Variants in NEO1 observed in about 807,000 individuals in gnomAD.
NEO1 encodes the protein neogenin.
Under a neutral mutation model 159.7 loss-of-function variants are expected in NEO1, and 63 were observed. The observed-to-expected ratio is 0.39, with a 90% CI of 0.32 to 0.49. The LOEUF (loss-of-function observed/expected upper bound fraction) is 0.49. NEO1 is among the 20% of genes least tolerant of loss of function. The pLI, the probability that NEO1 is intolerant of heterozygous loss-of-function variation, is 0.85. For synonymous variants in NEO1, 633 were observed against 662.0 expected, an observed-to-expected ratio of 0.96 and a Z score of 0.67; for missense variants, 1,615 against 1,831.0, an observed-to-expected ratio of 0.88 and a Z score of 2.15.
chr15:73,301,566 A>G, intron 28 of NEO1, 109 bp downstream of exon 28: 3 of 1,421,280 alleles, frequency 2.1e-6, no homozygotes, highest in South Asian at 1.3e-5. Flanking sequence ...GCCACCCAGA[A>G]CTATGAAGCA....
Position 73,298,447 on chromosome 15 carries a change from C to A in NEO1, c.4001C>A (p.Ser1334Tyr). 1 of 1,614,236 alleles carries A rather than the reference C, an allele frequency of 6.2e-7. No individual in the cohort carries two copies. Among genetic ancestry groups the A allele is most frequent in the Non-Finnish European group, 8.5e-7 (1 of 1,180,034 alleles). The change falls in exon 27 of 29, where the codon TCT (serine) becomes TAT (tyrosine). Residue 1334 changes from serine to tyrosine, a missense_variant. Coordinates refer to ENST00000261908, the MANE Select transcript of NEO1 (RefSeq NM_002499.4). ...GACCCTGAAGGTGCTACCAGCTCCT[C>A]TTACTTGGCCAGCTCCCAAGAGGAA... ...HQDPEGATSS[S>Y]YLASSQEEDS...
intron 1 of NEO1, among the ~76,000 whole-genome samples, chr15:73,073,356 G>A (rs2068625458): frequency 6.6e-6 from 1 of 152,142 alleles, no homozygotes; most frequent in Non-Finnish European, 1.5e-5. Context: ...AGTGGGAAGG[G>A]AGGAAATGAA....
In NEO1 at chr15:73,206,535, A is replaced by G. The variant is rs74404504; in HGVS notation, c.1291+28108A>G. On this transcript the variant is annotated intron_variant, in intron 7 of 28. Transcript: ENST00000261908. ...AAAAGCTAGGGTAGCGTGTGGCTCA[A>G]TAGGAGCAGAAGCAGCAGTATTTCT... Among the ~76,000 whole-genome samples, 276 of 152,290 alleles carry G rather than the reference A, an allele frequency of 1.8e-3. 1 individual carries two copies. Among genetic ancestry groups the G allele is most frequent in the African/African-American group, 6.4e-3 (267 of 41,574 alleles).
At chr15:73,190,449 T>C (rs1332294449) in intron 7 of NEO1, among the ~76,000 whole-genome samples, 1 of 152,184 alleles carries the variant, frequency 6.6e-6, no homozygotes, top group African/African-American at 2.4e-5. Context: ...TGGGATGTTA[T>C]GGCCATAGTA....
intron 21 of NEO1, among the ~76,000 whole-genome samples, chr15:73,276,060 G>A (rs2041407064): frequency 6.6e-6 from 1 of 152,184 alleles, no homozygotes; most frequent in Non-Finnish European, 1.5e-5. Context: ...TTGTGTGAAA[G>A]TGCAGGAATA....
intron 5 of NEO1, among the ~76,000 whole-genome samples, chr15:73,170,571 G>T (rs1471734238): frequency 6.6e-6 from 1 of 152,048 alleles, no homozygotes; most frequent in Non-Finnish European, 1.5e-5. Flanking sequence ...GATAGTTTAA[G>T]AATCAAAAGA....
intron 8 of NEO1, among the ~76,000 whole-genome samples, chr15:73,238,877 C>G (rs1305013388): frequency 3.3e-5 from 5 of 151,906 alleles, no homozygotes; most frequent in Non-Finnish European, 7.4e-5. Context: ...AGACAAAGGT[C>G]TCGCTGGGTC....
At chr15:73,154,162 G>A (rs532884714) in intron 5 of NEO1, among the ~76,000 whole-genome samples, 3 of 151,904 alleles carry the variant, frequency 2.0e-5, no homozygotes, top group East Asian at 1.9e-4. Flanking sequence ...TGGAGGCAAA[G>A]CCCAGATTAA....
chr15:73,228,743 T>G (rs1349292674), intron 7 of NEO1, among the ~76,000 whole-genome samples: 1 of 152,120 alleles, frequency 6.6e-6, no homozygotes, highest in Non-Finnish European at 1.5e-5. Context: ...ATTAAGACTA[T>G]GAGATATTTT....
chr15:73,225,162 T>C (rs1318497468), intron 7 of NEO1, among the ~76,000 whole-genome samples: 2 of 152,156 alleles, frequency 1.3e-5, no homozygotes, highest in Admixed American at 1.3e-4. Context: ...GAACCGTCTA[T>C]GGGTTTCTCA....
intron 2 of NEO1, among the ~76,000 whole-genome samples, chr15:73,119,370 TCAAG>T (rs777681862): frequency 2.0e-4 from 30 of 152,162 alleles, no homozygotes; most frequent in Non-Finnish European, 3.4e-4. Context: ...TGTAGCCAAG[TCAAG>T]CAAGAAGGGA....
At chr15:73,260,229 G>A (rs970381513) in intron 14 of NEO1, 42 bp from the exon 15 acceptor site, 2 of 1,559,882 alleles carry the variant, frequency 1.3e-6, no homozygotes, top group South Asian at 1.1e-5. Flanking sequence ...ATATTTTAAA[G>A]GACAGTATAT....
Position 73,122,126 on chromosome 15 carries a change from A to G in NEO1, c.449-399A>G, listed in dbSNP as rs1303384895. 2.0e-4 allele frequency among the ~76,000 whole-genome samples: 6 copies of G among 29,390 alleles called. No individual in the cohort carries two copies. In the South Asian group the frequency reaches 3.0e-3, roughly 15 times the overall value. The allele number at this position is 29,390 out of a possible 152,430, so 19.3% of individuals were successfully genotyped here. A position where few individuals can be genotyped will look rare whatever the true frequency, so the allele number is the denominator to read the frequency against. On this transcript the variant is annotated intron_variant, in intron 2 of 28. Coordinates refer to ENST00000261908, the MANE Select transcript of NEO1 (RefSeq NM_002499.4). The stretch of plus-strand genomic sequence containing the variant: ...TATATATATTATATATATGTATAGC[A>G]ATGAATAAAGACTAGACAAAATGTG...
chr15:73,141,411 A>T lies in NEO1; in HGVS notation c.1015+5384A>T, dbSNP rs558826557. ...ATGCAGTGACGTGAATTAGCCCATC[A>T]TGTATTTCCTGTCATCTCAGATTGT... is the stretch of plus-strand genomic sequence containing the variant. On this transcript the variant is annotated intron_variant, in intron 5 of 28. Coordinates refer to ENST00000261908, the MANE Select transcript of NEO1 (RefSeq NM_002499.4). Among the ~76,000 whole-genome samples, 4 of 152,352 alleles carry T rather than the reference A, an allele frequency of 2.6e-5. No homozygotes were observed. The East Asian group carries it at 7.7e-4, about 29-fold the overall frequency.
At chr15:73,222,575 G>A (rs779528502) in intron 7 of NEO1, among the ~76,000 whole-genome samples, 1 of 151,960 alleles carries the variant, frequency 6.6e-6, no homozygotes, top group Non-Finnish European at 1.5e-5. Flanking sequence ...ATGATCTTTT[G>A]TATTTCAGTG....
chr15:73,128,373 T>A (rs1214854681), intron 4 of NEO1, among the ~76,000 whole-genome samples: 2 of 152,058 alleles, frequency 1.3e-5, no homozygotes, highest in Non-Finnish European at 2.9e-5. Flanking sequence ...AAGGCTGAAA[T>A]ATATTATTTT....
At chr15:73,264,511 A>G (rs2040792924) in intron 15 of NEO1, among the ~76,000 whole-genome samples, 2 of 152,228 alleles carry the variant, frequency 1.3e-5, no homozygotes, top group Admixed American at 1.3e-4. Context: ...AGCAGATAGA[A>G]TTTATTAGAA....
intron 22 of NEO1, among the ~76,000 whole-genome samples, chr15:73,279,915 G>C (rs1596574045): frequency 6.6e-6 from 1 of 152,158 alleles, no homozygotes; most frequent in African/African-American, 2.4e-5. Context: ...AAAGGATAGA[G>C]ATTGAGTTGA....
intron 22 of NEO1, among the ~76,000 whole-genome samples, chr15:73,282,134 T>A (rs2041748973): frequency 2.0e-5 from 3 of 152,200 alleles, no homozygotes; most frequent in Non-Finnish European, 4.4e-5. Context: ...CCTTGTATGA[T>A]GGAATCTTTC....
Sources: gnomAD v4.1 joint callset for allele counts (sites outside exome capture counted in the v4.1 genomes callset) on GRCh38, gnomAD v4.1.1 for gene constraint, MANE v1.5 for transcripts, NCBI Gene and HGNC (gene_info 2026-07-23, HGNC 2026-07-21) for gene names.